Variants in CLASP2 observed in about 807,000 individuals in gnomAD.
CLASP2 encodes cytoplasmic linker associated protein 2, also known as CLIP-associating protein 2.
Under a neutral mutation model 194.4 loss-of-function variants are expected in CLASP2, and 47 were observed. The ratio of observed to expected loss-of-function variants is 0.24; its 90% CI spans 0.19 to 0.31. CLASP2 has a LOEUF of 0.31. Ranked by LOEUF, CLASP2 falls within the 10% of genes least tolerant of loss-of-function variation. The pLI is 1.00. For missense variants in CLASP2, 1,445 were observed against 1,823.6 expected (o/e 0.79, Z 3.78); for synonymous variants, 619 against 633.5 (o/e 0.98, Z 0.34).
chr3:33,564,477 T>C (rs2062318359), intron 27 of CLASP2, among the ~76,000 whole-genome samples: 1 of 152,216 alleles, frequency 6.6e-6, no homozygotes, highest in Non-Finnish European at 1.5e-5. Flanking sequence ...CAAGAAGACT[T>C]CTCTGAGTTT....
chr3:33,695,706 G>A (rs146016307), intron 2 of CLASP2, among the ~76,000 whole-genome samples: 1,586 of 152,188 alleles, frequency 0.01, 22 homozygotes, highest in Middle Eastern at 0.024. Context: ...TTGGGAGGCC[G>A]AGGTGAGAGG....
intron 13 of CLASP2, 62 bp downstream of exon 13, chr3:33,611,939 T>A (rs549776588): frequency 1.4e-5 from 15 of 1,105,272 alleles, no homozygotes; most frequent in African/African-American, 1.2e-4. Flanking sequence ...AGCAGACAAA[T>A]AATTAAACAA....
intron 2 of CLASP2, among the ~76,000 whole-genome samples, chr3:33,692,743 C>T (rs2091484220): frequency 6.6e-6 from 1 of 152,162 alleles, no homozygotes; most frequent in Admixed American, 6.5e-5. Context: ...GAATATTCAA[C>T]AAATATTTAT....
chr3:33,542,678 TATA>T (rs547407784), intron 32 of CLASP2, among the ~76,000 whole-genome samples: 42 of 150,890 alleles, frequency 2.8e-4, no homozygotes, highest in Non-Finnish European at 3.8e-4. Flanking sequence ...ATGATACATA[TATA>T]ATGTCATATA....
intron 8 of CLASP2, among the ~76,000 whole-genome samples, chr3:33,642,782 C>T (rs2081547880): frequency 6.6e-6 from 1 of 151,708 alleles, no homozygotes; most frequent in Non-Finnish European, 1.5e-5. Flanking sequence ...ATATCAATAT[C>T]CTCTGGCCAG....
intron 8 of CLASP2, among the ~76,000 whole-genome samples, chr3:33,643,558 T>G (rs1340318067): frequency 6.6e-6 from 1 of 151,878 alleles, no homozygotes; most frequent in East Asian, 1.9e-4. Context: ...ACTTGAAACA[T>G]CCAGAGAAAT....
At chr3:33,551,175 T>C (rs986674385) in intron 30 of CLASP2, 77 bp downstream of exon 30, 47 of 1,291,082 alleles carry the variant, frequency 3.6e-5, no homozygotes, top group Non-Finnish European at 5.0e-5. Flanking sequence ...CTGAAAATAT[T>C]AGCTTCCTTC....
chr3:33,674,750 G>C (rs2088161729), intron 6 of CLASP2, among the ~76,000 whole-genome samples: 1 of 151,740 alleles, frequency 6.6e-6, no homozygotes, highest in African/African-American at 2.4e-5. Flanking sequence ...AATGATAAAG[G>C]GGATATCACC....
intron 18 of CLASP2, 190 bp downstream of exon 18, chr3:33,602,762 G>T (rs2072624023): frequency 5.7e-6 from 4 of 697,346 alleles, no homozygotes; most frequent in Admixed American, 4.3e-5. Flanking sequence ...ACGATGATGA[G>T]AACAAGGGAA....
intron 12 of CLASP2, among the ~76,000 whole-genome samples, chr3:33,614,810 G>A (rs926517981): frequency 1.3e-5 from 2 of 152,120 alleles, no homozygotes; most frequent in African/African-American, 2.4e-5. Flanking sequence ...GACCAACATA[G>A]TGAAACTTCG....
At chr3:33,628,378 T>C (rs2078430553) in intron 9 of CLASP2, among the ~76,000 whole-genome samples, 1 of 152,110 alleles carries the variant, frequency 6.6e-6, no homozygotes, top group Admixed American at 6.6e-5. Context: ...TGGAACACAA[T>C]GCAAGGTTCC....
At chr3:33,673,457 AG>A (rs1294242678) in intron 6 of CLASP2, among the ~76,000 whole-genome samples, 2 of 152,232 alleles carry the variant, frequency 1.3e-5, no homozygotes, top group Non-Finnish European at 2.9e-5. Flanking sequence ...AAACATGGAA[AG>A]GAACAACCAG....
chr3:33,636,650 G>A (rs2080201963), intron 8 of CLASP2, among the ~76,000 whole-genome samples: 1 of 152,180 alleles, frequency 6.6e-6, no homozygotes, highest in South Asian at 2.1e-4. Flanking sequence ...TGCCAGGCTG[G>A]AGTGCAGTGG....
intron 18 of CLASP2, 98 bp downstream of exon 18, chr3:33,602,854 A>G (rs1206669698): frequency 8.2e-7 from 1 of 1,219,014 alleles, no homozygotes; most frequent in South Asian, 1.3e-5. Context: ...CTATCCTTAA[A>G]TAACAAGAAT....
intron 34 of CLASP2, among the ~76,000 whole-genome samples, chr3:33,527,609 C>T (rs1401516910): frequency 1.3e-5 from 2 of 152,156 alleles, no homozygotes; most frequent in African/African-American, 4.8e-5. Flanking sequence ...TCCTTCACAA[C>T]TCATTTTGAG....
chr3:33,676,187 A>G (rs1238734343), intron 6 of CLASP2, among the ~76,000 whole-genome samples: 13 of 151,724 alleles, frequency 8.6e-5, no homozygotes, highest in African/African-American at 3.1e-4. Flanking sequence ...AAACTATACT[A>G]CAAGGCTACA....
intron 12 of CLASP2, among the ~76,000 whole-genome samples, chr3:33,615,217 CA>C (rs1185545080): frequency 6.6e-6 from 1 of 151,708 alleles, no homozygotes; most frequent in Admixed American, 6.6e-5. Context: ...TAAAAAACTA[CA>C]GTTAATTACA....
chr3:33,526,326 C>T (rs1225929740), intron 34 of CLASP2, among the ~76,000 whole-genome samples: 2 of 152,018 alleles, frequency 1.3e-5, no homozygotes, highest in African/African-American at 2.4e-5. Flanking sequence ...TCAGAGGTTG[C>T]AATCCTAATT....
At chr3:33,628,537 C>T (rs1197149286) in intron 9 of CLASP2, among the ~76,000 whole-genome samples, 1 of 152,110 alleles carries the variant, frequency 6.6e-6, no homozygotes, top group African/African-American at 2.4e-5. Flanking sequence ...TAGAGTGATT[C>T]CTAGGTTTCT....
Sources: allele counts gnomAD v4.1 joint callset (sites outside exome capture counted in the v4.1 genomes callset), GRCh38; gene constraint gnomAD v4.1.1; transcripts MANE v1.5; gene names NCBI Gene and HGNC (gene_info 2026-07-23, HGNC 2026-07-21).